The following C11orf65 variants were observed in gnomAD, a reference collection of about 807,000 sequenced individuals.
C11orf65 encodes protein MFI.
Under a neutral mutation model 35.3 loss-of-function variants are expected in C11orf65, and 38 were observed. The ratio of observed to expected loss-of-function variants is 1.08; its 90% CI spans 0.83 to 1.41. The LOEUF (loss-of-function observed/expected upper bound fraction) is 1.41, where lower values mean the gene tolerates loss of function less well. Ranked by LOEUF, C11orf65 falls within the 40% of genes most tolerant of loss-of-function variation. The probability of loss-of-function intolerance (pLI) is 0.00; values close to 1 mark genes in which losing one functional copy is unlikely to be tolerated. For synonymous variants in C11orf65, 105 were observed against 114.4 expected (o/e 0.92, Z 0.53); for missense variants, 370 against 367.1 (o/e 1.01, Z -0.06).
chr11:108,312,209 A>C (rs2084223865), intron 6 of C11orf65, among the ~76,000 whole-genome samples: 1 of 152,230 alleles, frequency 6.6e-6, no homozygotes, highest in African/African-American at 2.4e-5. Flanking sequence ...CCATATGTAG[A>C]TTATTCTTAA....
chr11:108,353,705 A>T lies in C11orf65; in HGVS notation c.227-18413T>A, dbSNP rs1241393755. 15 of 1,342,942 alleles carry T rather than the reference A, an allele frequency of 1.1e-5. No homozygotes were observed. In the South Asian group the frequency reaches 1.8e-4, roughly 16 times the overall value. 83.2% of individuals were successfully genotyped at this position (1,342,942 alleles called of 1,614,324 possible). A position where few individuals can be genotyped will look rare whatever the true frequency, so the allele number is the denominator to read the frequency against. On this transcript the variant is annotated intron_variant, in intron 2 of 3. Coordinates refer to the C11orf65 transcript ENST00000524755. ...CTTGCCTTTGTAAAGTTCACATTCT[A>T]ACTGGAAAGAAAGTAAATTAGCTGT...
At chr11:108,339,865 C>T (rs2087312766) in intron 2 of C11orf65, among the ~76,000 whole-genome samples, 1 of 152,120 alleles carries the variant, frequency 6.6e-6, no homozygotes, top group Admixed American at 6.5e-5. Flanking sequence ...AACTCAAAGA[C>T]AGCAGGGGAG....
Position 108,442,407 on chromosome 11 carries a change from T to C in C11orf65, c.82-10569A>G, listed in dbSNP as rs192719104. On this transcript the variant is annotated intron_variant, in intron 2 of 8. Transcript: ENST00000393084. The stretch of plus-strand genomic sequence containing the variant: ...TCAAGTTGGAAAACACTCTTAAGAA[T>C]ACTATCCAGGAGAACTTCCCCAACC... Among the ~76,000 whole-genome samples, 485 of 152,268 alleles carry C rather than the reference T, an allele frequency of 3.2e-3. 1 individual carries two copies. Among genetic ancestry groups the C allele is most frequent in the Non-Finnish European group, 5.7e-3 (389 of 68,020 alleles).
chr11:108,402,885 G>A (rs962576545), intron 6 of C11orf65, among the ~76,000 whole-genome samples: 1 of 152,036 alleles, frequency 6.6e-6, no homozygotes. Flanking sequence ...TTTGAGGTTC[G>A]TCCATGTCAT....
At chr11:108,324,435 AATATG>A (rs2085458079) in intron 6 of C11orf65, among the ~76,000 whole-genome samples, 1 of 152,140 alleles carries the variant, frequency 6.6e-6, no homozygotes, top group African/African-American at 2.4e-5. Flanking sequence ...CAGTCTTTCT[AATATG>A]ATATCATATC....
chr11:108,387,941 G>T (rs2092051958), intron 7 of C11orf65, among the ~76,000 whole-genome samples: 1 of 152,204 alleles, frequency 6.6e-6, no homozygotes, highest in Non-Finnish European at 1.5e-5. Flanking sequence ...ATAGGATACT[G>T]CTGGGTGACT....
intron 2 of C11orf65, among the ~76,000 whole-genome samples, chr11:108,344,561 G>A (rs2081544842): frequency 6.6e-6 from 1 of 152,128 alleles, no homozygotes; most frequent in African/African-American, 2.4e-5. Flanking sequence ...AAGAAATTCC[G>A]ACGGCACTGT....
chr11:108,369,360 G>A (rs961661422), intron 2 of C11orf65, among the ~76,000 whole-genome samples: 1 of 152,046 alleles, frequency 6.6e-6, no homozygotes, highest in Non-Finnish European at 1.5e-5. Context: ...AAATATGAAT[G>A]TTCTTTCTTT....
intron 2 of C11orf65, among the ~76,000 whole-genome samples, chr11:108,342,583 A>G (rs1173677332): frequency 6.6e-6 from 1 of 152,212 alleles, no homozygotes; most frequent in African/African-American, 2.4e-5. Context: ...GGGGAGCTTC[A>G]TCTCTTCCCC....
At position 108,437,628 on chromosome 11, in the gene C11orf65, C is replaced by T. The variant is rs368656626; in HGVS notation, c.82-5790G>A. Among the ~76,000 whole-genome samples, 64 of 138,896 alleles carry T rather than the reference C, an allele frequency of 4.6e-4. 1 individual carries two copies. In the Middle Eastern group the frequency reaches 0.013, roughly 28 times the overall value. The allele number at this position is 138,896 out of a possible 152,430, so 91.1% of individuals were successfully genotyped here. On this transcript the variant is annotated intron_variant, in intron 2 of 8. Transcript: ENST00000393084. ...CTGAGGCAGGAGAATCGCTTGAATCCGGGAGGCAGAGGCAGAGGTTGCAGT... is the reference window on the plus strand; with the variant it reads ...CTGAGGCAGGAGAATCGCTTGAATCTGGGAGGCAGAGGCAGAGGTTGCAGT...
intron 3 of C11orf65, among the ~76,000 whole-genome samples, chr11:108,410,741 C>T (rs572102943): frequency 7.0e-6 from 1 of 142,148 alleles, no homozygotes; most frequent in African/African-American, 2.6e-5. Flanking sequence ...CAGAGTCTTG[C>T]TCTGTCGCTC....
intron 6 of C11orf65, among the ~76,000 whole-genome samples, chr11:108,394,142 T>C (rs11212608): frequency 0.012 from 1,656 of 134,810 alleles, 22 homozygotes; most frequent in African/African-American, 0.042. Flanking sequence ...ATCATGAAAC[T>C]GCACTCCAGC....
At chr11:108,327,430 C>T, downstream of C11orf65, 1 of 502,556 alleles carries the variant, frequency 2.0e-6, no homozygotes, top group Non-Finnish European at 3.6e-6. Context: ...TGACTTGCTC[C>T]AATAATGGCA....
chr11:108,386,804 G>A (rs1191886816), intron 7 of C11orf65, among the ~76,000 whole-genome samples: 1 of 152,144 alleles, frequency 6.6e-6, no homozygotes, highest in Non-Finnish European at 1.5e-5. Context: ...GTAATTGGCT[G>A]GGCGCAGTGG....
intron 2 of C11orf65, among the ~76,000 whole-genome samples, chr11:108,344,500 A>G (rs975259560): frequency 1.3e-5 from 2 of 152,164 alleles, no homozygotes; most frequent in African/African-American, 2.4e-5. Flanking sequence ...ACCTTATGCT[A>G]TAGGCCTCAT....
At position 108,347,382 on chromosome 11, in the gene C11orf65, A is replaced by G. The variant is rs765608446; in HGVS notation, c.227-12090T>C. On this transcript the variant is annotated intron_variant, in intron 2 of 3. Transcript: ENST00000524755. ...TAGATCTAGGTAAGTAATAAAATCT[A>G]TGTATCTATTCTTTTTAGTAAATAT... 8 of 1,538,452 alleles carry G rather than the reference A, an allele frequency of 5.2e-6. No individual in the cohort carries two copies. The highest frequency in any genetic ancestry group is 1.8e-4 in the Middle Eastern group (1 of 5,548).
intron 6 of C11orf65, chr11:108,316,227 T>TA (rs980953731): frequency 2.9e-5 from 30 of 1,039,148 alleles, no homozygotes; most frequent in Non-Finnish European, 4.3e-5. Flanking sequence ...GACTAGAACT[T>TA]ATCTGTTTTT....
At chr11:108,370,005 T>C (rs1366256150) in intron 2 of C11orf65, among the ~76,000 whole-genome samples, 2 of 152,190 alleles carry the variant, frequency 1.3e-5, no homozygotes, top group African/African-American at 4.8e-5. Context: ...ATTCTGTAGC[T>C]TGTCTCTTCA....
intron 3 of C11orf65, among the ~76,000 whole-genome samples, chr11:108,409,594 A>G (rs1167601421): frequency 1.3e-5 from 2 of 152,136 alleles, no homozygotes; most frequent in Admixed American, 1.3e-4. Flanking sequence ...GCTTCCAGTC[A>G]GCCACATGAT....
Sources: allele counts gnomAD v4.1 joint callset (sites outside exome capture counted in the v4.1 genomes callset), GRCh38; gene constraint gnomAD v4.1.1; transcripts MANE v1.5; gene names NCBI Gene and HGNC (gene_info 2026-07-23, HGNC 2026-07-21).